RORA: variants seen among roughly 807,000 people sequenced by gnomAD.
The protein encoded by RORA is nuclear receptor ROR-alpha.
In RORA, 7 loss-of-function variants were observed where a neutral mutation model predicts 69.5. That is an observed-to-expected ratio of 0.10 (90% CI 0.06 to 0.19). The LOEUF (loss-of-function observed/expected upper bound fraction) is 0.19. RORA is among the 10% of genes least tolerant of loss of function. The probability of loss-of-function intolerance (pLI) is 1.00; values close to 1 mark genes in which losing one functional copy is unlikely to be tolerated. For synonymous variants in RORA, 261 were observed against 240.8 expected, an observed-to-expected ratio of 1.08 and a Z score of -0.78; for missense variants, 457 against 663.0, an observed-to-expected ratio of 0.69 and a Z score of 3.41.
chr15:60,814,883 G>A (rs1011927185), intron 1 of RORA, among the ~76,000 whole-genome samples: 4 of 152,164 alleles, frequency 2.6e-5, no homozygotes, highest in Non-Finnish European at 5.9e-5. Context: ...TCTCCAGCCC[G>A]TCCTCAACCC....
intron 1 of RORA, among the ~76,000 whole-genome samples, chr15:61,149,494 C>T (rs2079379881): frequency 6.6e-6 from 1 of 152,118 alleles, no homozygotes; most frequent in South Asian, 2.1e-4. Flanking sequence ...AAATCATTTC[C>T]TTCTTATTTA....
chr15:61,092,151 C>A (rs1221182083), intron 1 of RORA, among the ~76,000 whole-genome samples: 1 of 152,178 alleles, frequency 6.6e-6, no homozygotes, highest in Non-Finnish European at 1.5e-5. Flanking sequence ...CAATAGTTTC[C>A]ATGGTTACAA....
In RORA at chr15:61,061,125, G is replaced by A. The variant is rs1242683506; in HGVS notation, c.166+167928C>T. Among the ~76,000 whole-genome samples, 2 of 152,098 alleles carry A rather than the reference G, an allele frequency of 1.3e-5. No individual in the cohort carries two copies. Among genetic ancestry groups the A allele is most frequent in the African/African-American group, 2.4e-5 (1 of 41,488 alleles). ...TCCCAGCACTTTGGGAGGCCGAGGC[G>A]GGCGGATCACAAGATCAGGAGATCG... On this transcript the variant is annotated intron_variant, in intron 1 of 10. Transcript: ENST00000335670. This position sits in a 1 kb window ranked among gnomAD's most constrained non-coding sequence, Gnocchi z 4.4.
At chr15:60,702,850 G>A (rs1196998112) in intron 1 of RORA, among the ~76,000 whole-genome samples, 1 of 152,134 alleles carries the variant, frequency 6.6e-6, no homozygotes, top group Non-Finnish European at 1.5e-5. Flanking sequence ...TCCTTCCATG[G>A]TCACCTTGTG....
chr15:61,059,514 T>G (rs2140532115), intron 1 of RORA, among the ~76,000 whole-genome samples: 1 of 152,378 alleles, frequency 6.6e-6, no homozygotes, highest in African/African-American at 2.4e-5. Flanking sequence ...TAAGGAATTA[T>G]GAATGTTTCT....
At chr15:61,177,659 A>G (rs942305004) in intron 1 of RORA, among the ~76,000 whole-genome samples, 8 of 151,982 alleles carry the variant, frequency 5.3e-5, no homozygotes, top group Non-Finnish European at 1.0e-4. Context: ...AAAAACAAGA[A>G]AGGAACCGGA....
chr15:60,578,066 A>G (rs1835020027), intron 2 of RORA, among the ~76,000 whole-genome samples: 1 of 152,204 alleles, frequency 6.6e-6, no homozygotes, highest in Non-Finnish European at 1.5e-5. Context: ...CTACACTAAA[A>G]CTCAACAAGT....
chr15:60,700,054 G>A (rs1247014858), intron 1 of RORA, among the ~76,000 whole-genome samples: 2 of 152,138 alleles, frequency 1.3e-5, no homozygotes, highest in African/African-American at 2.4e-5. Flanking sequence ...TCTTTGCAGA[G>A]AAGTCCACCC....
chr15:60,981,539 T>A (rs946601966), intron 1 of RORA, among the ~76,000 whole-genome samples: 1 of 152,152 alleles, frequency 6.6e-6, no homozygotes, highest in Non-Finnish European at 1.5e-5. Flanking sequence ...ATTTACCTGT[T>A]TCAAGTCTTC....
At chr15:60,890,608 G>A (rs1200078951) in intron 1 of RORA, among the ~76,000 whole-genome samples, 1 of 152,234 alleles carries the variant, frequency 6.6e-6, no homozygotes, top group Non-Finnish European at 1.5e-5. Flanking sequence ...TGGTGATAAG[G>A]TGTGGCCGAG....
chr15:61,120,176 T>C (rs2079089243), intron 1 of RORA, among the ~76,000 whole-genome samples: 1 of 152,172 alleles, frequency 6.6e-6, no homozygotes, highest in South Asian at 2.1e-4. Context: ...ATATGGGTGG[T>C]GGCTAGACAG....
chr15:60,837,465 C>T (rs1278255112), intron 1 of RORA, among the ~76,000 whole-genome samples: 2 of 152,184 alleles, frequency 1.3e-5, no homozygotes, highest in Middle Eastern at 3.2e-3. Flanking sequence ...CACTGCCAAC[C>T]TCACCCCTCC....
chr15:60,546,953 C>T (rs1006176600), intron 2 of RORA, among the ~76,000 whole-genome samples: 5 of 152,174 alleles, frequency 3.3e-5, no homozygotes, highest in African/African-American at 4.8e-5. Context: ...TCACTGCTTG[C>T]GTAGCATTTT....
chr15:60,806,775 C>CCT (rs1233296274), intron 1 of RORA, among the ~76,000 whole-genome samples: 1 of 152,094 alleles, frequency 6.6e-6, no homozygotes, highest in Non-Finnish European at 1.5e-5. Context: ...CATCACATGC[C>CCT]CTCTCCCTTT....
chr15:60,561,233 T>C (rs868602644), intron 2 of RORA, among the ~76,000 whole-genome samples: 18 of 150,630 alleles, frequency 1.2e-4, no homozygotes, highest in Non-Finnish European at 1.6e-4. Flanking sequence ...AGGCGCCCGC[T>C]ACCACGCCCG....
At chr15:61,048,235 G>T (rs116652599) in intron 1 of RORA, among the ~76,000 whole-genome samples, 5 of 152,308 alleles carry the variant, frequency 3.3e-5, no homozygotes, top group East Asian at 1.9e-4. Context: ...ATGCAGGTCT[G>T]CTTGGCCTGT....
chr15:60,776,127 C>T (rs960751683), intron 1 of RORA, among the ~76,000 whole-genome samples: 6 of 152,098 alleles, frequency 3.9e-5, no homozygotes, highest in African/African-American at 1.4e-4. Context: ...TGAGTGTAGA[C>T]AGCACCCACG....
chr15:60,516,923 A>T lies in RORA; in HGVS notation c.283-2166T>A, dbSNP rs190931439. On this transcript the variant is annotated intron_variant, in intron 3 of 10. Transcript: ENST00000335670. ...AATATAATTATTGATATAAAAGGTG[A>T]TAAAAATATACCATTGAATGTTTAA... Among the ~76,000 whole-genome samples the T allele has an allele frequency of 2.6e-5, 4 of 152,314 alleles. No homozygotes were observed. In the East Asian group the frequency reaches 5.8e-4, roughly 22 times the overall value.
chr15:60,986,528 G>A (rs879363553), intron 1 of RORA, among the ~76,000 whole-genome samples: 12 of 152,138 alleles, frequency 7.9e-5, no homozygotes, highest in Non-Finnish European at 1.5e-4. Flanking sequence ...AGAGGTGACC[G>A]GCTAGGTGAG....
Sources: gnomAD v4.1 joint callset for allele counts (sites outside exome capture counted in the v4.1 genomes callset) on GRCh38, gnomAD v4.1.1 for gene constraint, Gnocchi (gnomAD v3.1) non-coding constraint, MANE v1.5 for transcripts, NCBI Gene and HGNC (gene_info 2026-07-23, HGNC 2026-07-21) for gene names.